Variants in ADCY3 observed in about 807,000 individuals in gnomAD.
ADCY3 encodes adenylate cyclase type 3.
A neutral mutation model predicts 119.4 loss-of-function variants in ADCY3; 70 were observed. The observed-to-expected ratio is 0.59, with a 90% CI of 0.48 to 0.72. The LOEUF (loss-of-function observed/expected upper bound fraction) is 0.72. Ranked by LOEUF, ADCY3 falls within the 30% of genes least tolerant of loss-of-function variation. The pLI, the probability that ADCY3 is intolerant of heterozygous loss-of-function variation, is 0.00. For synonymous variants in ADCY3, 672 were observed against 621.4 expected (o/e 1.08, Z -1.21); for missense variants, 1,238 against 1,541.6 (o/e 0.80, Z 3.30).
chr2:24,867,425 T>C (rs190095129), intron 3 of ADCY3, among the ~76,000 whole-genome samples: 1 of 152,328 alleles, frequency 6.6e-6, no homozygotes, highest in East Asian at 1.9e-4. Flanking sequence ...AAGGCTCTTT[T>C]AAAAGGGGCA....
In ADCY3 at chr2:24,898,830, T is replaced by C. The variant is rs1678585569; in HGVS notation, c.675+19483A>G. Among the ~76,000 whole-genome samples, 2 of 152,120 alleles carry C rather than the reference T, an allele frequency of 1.3e-5. No individual in the cohort carries two copies. Among genetic ancestry groups the C allele is most frequent in the African/African-American group, 4.8e-5 (2 of 41,444 alleles). On this transcript the variant is annotated intron_variant, in intron 2 of 21. Transcript: ENST00000679454. The surrounding 1 kb of genome is among the most constrained non-coding windows in gnomAD (Gnocchi z 4.3). ...CACGCAACCAACAGCAGCTCAGCAG[T>C]GGGAGGTCTGCAGCCTGGGGATAGC...
chr2:24,861,160 A>C (rs1014513836), intron 3 of ADCY3, among the ~76,000 whole-genome samples: 10 of 151,202 alleles, frequency 6.6e-5, no homozygotes, highest in African/African-American at 2.2e-4. Flanking sequence ...CTCAGGCAGG[A>C]GAATCGCTTG....
At chr2:24,907,228 G>A (rs977916917) in intron 2 of ADCY3, among the ~76,000 whole-genome samples, 3 of 152,148 alleles carry the variant, frequency 2.0e-5, no homozygotes, top group East Asian at 3.9e-4. Context: ...GGAGCCCACC[G>A]AGAGCTGGAT....
chr2:24,874,775 A>C (rs13407913), intron 2 of ADCY3, among the ~76,000 whole-genome samples: 1 of 152,006 alleles, frequency 6.6e-6, no homozygotes. Flanking sequence ...GAGGGGCAGG[A>C]TCAGAGTCCA....
chr2:24,839,693 C>T (rs1670765985), intron 7 of ADCY3, among the ~76,000 whole-genome samples, 180 bp downstream of exon 7: 1 of 152,190 alleles, frequency 6.6e-6, no homozygotes, highest in South Asian at 2.1e-4. Flanking sequence ...CACCCCAAGG[C>T]AGGTCAGAAC....
At position 24,842,544 on chromosome 2, in the gene ADCY3, G is replaced by C. The variant is rs1202383258; in HGVS notation, c.826-160C>G. 2.1e-6 allele frequency: 2 copies of C among 960,412 alleles called. No individual in the cohort carries two copies. The highest frequency in any genetic ancestry group is 3.3e-5 in the African/African-American group (2 of 60,798). 59.5% of individuals were successfully genotyped at this position (960,412 alleles called of 1,614,324 possible). On this transcript the variant is annotated intron_variant, in intron 3 of 21. Coordinates refer to ENST00000679454, the MANE Select transcript of ADCY3 (RefSeq NM_004036.5). This position sits in a 1 kb window ranked among gnomAD's most constrained non-coding sequence, Gnocchi z 4.9. ...ACAGATCTGCCTCGGGAGCAGCCAG[G>C]GGTCTGGGACAGGCAGCTTCTGGCC...
chr2:24,917,809 G>A (rs548770983), intron 2 of ADCY3, among the ~76,000 whole-genome samples: 4 of 152,266 alleles, frequency 2.6e-5, no homozygotes, highest in African/African-American at 7.2e-5. Context: ...AGCCCTTCAC[G>A]TATCCTAATG....
At chr2:24,869,871 G>A (rs1241152828) in intron 3 of ADCY3, among the ~76,000 whole-genome samples, 2 of 152,296 alleles carry the variant, frequency 1.3e-5, no homozygotes, top group African/African-American at 4.8e-5. Context: ...AAAATGGCAG[G>A]CAGGTTTCTC....
chr2:24,892,330 G>A (rs1374699611), intron 2 of ADCY3, among the ~76,000 whole-genome samples: 3 of 150,482 alleles, frequency 2.0e-5, no homozygotes, highest in Admixed American at 2.0e-4. Context: ...CTCACTGCAA[G>A]CTCTGCCTCC....
intron 2 of ADCY3, among the ~76,000 whole-genome samples, chr2:24,901,486 T>TTGC (rs1191396954): frequency 3.9e-5 from 6 of 151,952 alleles, no homozygotes; most frequent in Non-Finnish European, 8.8e-5. Flanking sequence ...CTAGAAGAAA[T>TTGC]TGCTGTTGAA....
intron 17 of ADCY3, among the ~76,000 whole-genome samples, 164 bp downstream of exon 17, chr2:24,824,214 G>A (rs1315822974): frequency 3.3e-5 from 5 of 152,262 alleles, no homozygotes; most frequent in Admixed American, 6.5e-5. Context: ...AGAGGCCGGA[G>A]AAATTCCTCT....
At position 24,918,205 on chromosome 2, in the gene ADCY3, C is replaced by A; in HGVS notation, c.675+108G>T. 1 of 1,290,628 alleles carries A rather than the reference C, an allele frequency of 7.7e-7. No homozygotes were observed. Among genetic ancestry groups the A allele is most frequent in the South Asian group, 1.5e-5 (1 of 67,936 alleles). The allele number at this position is 1,290,628 out of a possible 1,614,324, so 79.9% of individuals were successfully genotyped here. ...GAGAGGTGAGAGCCCCGGAGGCCCC[C>A]AGGACACATTTTGACTCAAAGGCAA... is the stretch of plus-strand genomic sequence containing the variant. On this transcript the variant is annotated intron_variant, in intron 2 of 21. Transcript: ENST00000679454. The surrounding 1 kb of genome is among the most constrained non-coding windows in gnomAD (Gnocchi z 5.4).
In ADCY3 at chr2:24,883,275, G is replaced by A. The variant is rs112206981; in HGVS notation, c.676-10556C>T. Among the ~76,000 whole-genome samples the A allele has an allele frequency of 7.3e-3, 1,104 of 152,254 alleles. 12 individuals carry two copies. The highest frequency in any genetic ancestry group is 0.031 in the South Asian group (150 of 4,812). ...AGGCAGAAGAATCGCTTGAACCCGG[G>A]AGTCGGAGGTTGCAGTGAGCTGAGA... On this transcript the variant is annotated intron_variant, in intron 2 of 21. Transcript: ENST00000679454.
Position 24,826,055 on chromosome 2 carries a change from AAGT to A in ADCY3, c.2564_2566del (p.Tyr855del), listed in dbSNP as rs1668574750. ...GCAGGCGGCACTCACGTGGCGGGAG[AAGT>A]AGTAGAAGCTGAGCATCATGAGGAA... On this transcript the variant is annotated inframe_deletion, in exon 16 of 22. Coordinates refer to ENST00000679454, the MANE Select transcript of ADCY3 (RefSeq NM_004036.5). 1.9e-6 allele frequency: 3 copies of A among 1,613,908 alleles called. No individual in the cohort carries two copies. Among genetic ancestry groups the A allele is most frequent in the Non-Finnish European group, 2.5e-6 (3 of 1,179,922 alleles).
At chr2:24,844,107 G>A (rs1010772410) in intron 3 of ADCY3, among the ~76,000 whole-genome samples, 30 of 152,224 alleles carry the variant, frequency 2.0e-4, no homozygotes, top group African/African-American at 6.8e-4. Context: ...AAATGAAACC[G>A]CAGCAGGCAC....
At chr2:24,868,535 G>A (rs1558476143) in intron 3 of ADCY3, among the ~76,000 whole-genome samples, 1 of 152,070 alleles carries the variant, frequency 6.6e-6, no homozygotes, top group Admixed American at 6.5e-5. Flanking sequence ...CTCGGAGGCT[G>A]AGGCAAGAGG....
At chr2:24,916,714 T>C (rs2149087805) in intron 2 of ADCY3, among the ~76,000 whole-genome samples, 1 of 150,720 alleles carries the variant, frequency 6.6e-6, no homozygotes, top group East Asian at 1.9e-4. Context: ...GGCTAATGCA[T>C]GGCCTGAAGA....
intron 2 of ADCY3, among the ~76,000 whole-genome samples, chr2:24,911,657 A>AC (rs1283716484): frequency 4.3e-5 from 6 of 138,148 alleles, no homozygotes; most frequent in Admixed American, 1.4e-4. Flanking sequence ...AAAAAAAAAA[A>AC]ACACACACAC....
chr2:24,853,467 CTTTTTTT>C (rs745408152), intron 3 of ADCY3, among the ~76,000 whole-genome samples: 6 of 115,238 alleles, frequency 5.2e-5, no homozygotes, highest in African/African-American at 1.8e-4. Flanking sequence ...CGCGCCTCAT[CTTTTTTT>C]TTTTTTTTTT....
Sources: gnomAD v4.1 joint callset for allele counts (sites outside exome capture counted in the v4.1 genomes callset) on GRCh38, gnomAD v4.1.1 for gene constraint, Gnocchi (gnomAD v3.1) non-coding constraint, MANE v1.5 for transcripts, NCBI Gene and HGNC (gene_info 2026-07-23, HGNC 2026-07-21) for gene names.